Variants in VEPH1 observed in about 807,000 individuals in gnomAD.
The protein encoded by VEPH1 is ventricular zone expressed PH domain containing 1, also known as ventricular zone-expressed PH domain-containing protein homolog 1.
Under a neutral mutation model 85.2 loss-of-function variants are expected in VEPH1, and 80 were observed. That is an observed-to-expected ratio of 0.94 (90% CI 0.78 to 1.13). VEPH1 has a LOEUF of 1.13. Among genes scored for constraint, VEPH1 ranks in the 50% most tolerant of loss-of-function variants. The pLI, the probability that VEPH1 is intolerant of heterozygous loss-of-function variation, is 0.00. For synonymous variants in VEPH1, 297 were observed against 348.0 expected (o/e 0.85, Z 1.63); for missense variants, 955 against 980.5 (o/e 0.97, Z 0.35).
chr3:157,351,469 C>A, intron 9 of VEPH1, among the ~76,000 whole-genome samples: 1 of 152,096 alleles, frequency 6.6e-6, no homozygotes. Flanking sequence ...GCTGGGATTA[C>A]AGGCGTGAGC....
rs529510734 is a variant in VEPH1 at position 157,394,051 on chromosome 3, G to C, written c.907-12675C>G. On this transcript the variant is annotated intron_variant, in intron 6 of 13. Coordinates refer to ENST00000362010, the MANE Select transcript of VEPH1 (RefSeq NM_001167912.2). ...CCTTTCTGTTAGATTCAGCTGATCT[G>C]TCTGAGTGATGGGTTAAGTTTCTCC... Among the ~76,000 whole-genome samples, 5 of 152,336 alleles carry C rather than the reference G, an allele frequency of 3.3e-5. No individual in the cohort carries two copies. In the South Asian group the frequency reaches 1.0e-3, roughly 32 times the overall value.
At chr3:157,272,233 C>CTTT (rs1383414458) in intron 12 of VEPH1, among the ~76,000 whole-genome samples, 2 of 139,902 alleles carry the variant, frequency 1.4e-5, no homozygotes, top group Non-Finnish European at 3.2e-5. Flanking sequence ...GTGTTTGTCT[C>CTTT]TTTTCTTCTT....
intron 2 of VEPH1, among the ~76,000 whole-genome samples, chr3:157,492,899 G>A (rs1739343509): frequency 6.6e-6 from 1 of 152,172 alleles, no homozygotes; most frequent in African/African-American, 2.4e-5. Context: ...GATCAAGGCA[G>A]CTACAATGAT....
chr3:157,295,797 A>G (rs1355440143), intron 11 of VEPH1, among the ~76,000 whole-genome samples: 1 of 152,008 alleles, frequency 6.6e-6, no homozygotes, highest in Non-Finnish European at 1.5e-5. Context: ...TCTACTAAAT[A>G]TTTAAAAATT....
chr3:157,424,175 C>CAGGTTT (rs1373635641), intron 5 of VEPH1, among the ~76,000 whole-genome samples: 23 of 152,182 alleles, frequency 1.5e-4, no homozygotes, highest in African/African-American at 5.3e-4. Context: ...CTCACGAGAT[C>CAGGTTT]TGATGGTTTT....
At position 157,344,263 on chromosome 3, in the gene VEPH1, G is replaced by T. The variant is rs562234990; in HGVS notation, c.1735+19101C>A. Among the ~76,000 whole-genome samples, 533 of 152,264 alleles carry T rather than the reference G, an allele frequency of 3.5e-3. 4 individuals carry two copies. Among genetic ancestry groups the T allele is most frequent in the African/African-American group, 0.012 (493 of 41,530 alleles). On this transcript the variant is annotated intron_variant, in intron 9 of 13. Transcript: ENST00000362010. Reference sequence around the variant, plus strand: ...GTCCCTGTTTGCAGATGACATGATTGTATATTTAGAAAACCCCATCATCTC... The same window carrying T: ...GTCCCTGTTTGCAGATGACATGATTTTATATTTAGAAAACCCCATCATCTC...
At chr3:157,328,332 GA>G (rs149194274) in intron 9 of VEPH1, among the ~76,000 whole-genome samples, 10 of 149,918 alleles carry the variant, frequency 6.7e-5, no homozygotes, top group South Asian at 2.1e-4. Context: ...TATGGAAAAA[GA>G]AAAAAAAAGG....
intron 3 of VEPH1, among the ~76,000 whole-genome samples, chr3:157,464,013 C>T (rs1287477437): frequency 2.0e-5 from 3 of 152,138 alleles, no homozygotes; most frequent in African/African-American, 7.2e-5. Flanking sequence ...GACAAACATG[C>T]CAAAATAATG....
At chr3:157,263,029 G>A (rs1005421894) in intron 13 of VEPH1, among the ~76,000 whole-genome samples, 1 of 152,192 alleles carries the variant, frequency 6.6e-6, no homozygotes, top group Non-Finnish European at 1.5e-5. Flanking sequence ...CTATTGCCTA[G>A]CTAGTTTGTG....
rs775411062 is a variant in VEPH1 at position 157,364,536 on chromosome 3, T to C, written c.1128-24A>G. 3.7e-6 allele frequency: 6 copies of C among 1,601,690 alleles called. No homozygotes were observed. The Admixed American group carries it at 1.0e-4, about 27-fold the overall frequency. On this transcript the variant is annotated intron_variant, in intron 7 of 13. Coordinates refer to ENST00000362010, the MANE Select transcript of VEPH1 (RefSeq NM_001167912.2). ...TCCTAAAGGAATATAAATCATTGCA[T>C]TAGATGCAGGTCATATATACTCTTC...
At chr3:157,499,310 A>G (rs1253242820) in intron 1 of VEPH1, 9 of 150,042 alleles carry the variant, frequency 6.0e-5, no homozygotes, top group African/African-American at 2.2e-4. Flanking sequence ...GTAGGGAGAA[A>G]CAGAAACCAC....
chr3:157,356,310 A>G (rs922232707), intron 9 of VEPH1, among the ~76,000 whole-genome samples: 2 of 152,198 alleles, frequency 1.3e-5, no homozygotes, highest in Non-Finnish European at 2.9e-5. Flanking sequence ...ATGTAGACAT[A>G]GGAATTAGCT....
At chr3:157,456,564 G>C (rs1735400774) in intron 4 of VEPH1, among the ~76,000 whole-genome samples, 1 of 152,072 alleles carries the variant, frequency 6.6e-6, no homozygotes. Context: ...TATAAAGAAG[G>C]GGTCCAGTTT....
Position 157,419,351 on chromosome 3 carries a change from A to C in VEPH1, c.697-5261T>G, listed in dbSNP as rs553356022. ...TGGGATCTAATTAAAGAGCTTCTGC[A>C]CAGCAAAAGAAACTATCATCAGAGT... On this transcript the variant is annotated intron_variant, in intron 5 of 13. Transcript: ENST00000362010. 2.2e-4 allele frequency among the ~76,000 whole-genome samples: 33 copies of C among 152,356 alleles called. 1 individual carries two copies. In the South Asian group the frequency reaches 6.6e-3, roughly 31 times the overall value.
intron 6 of VEPH1, chr3:157,413,427 C>A: frequency 2.0e-6 from 2 of 977,524 alleles, no homozygotes; most frequent in Non-Finnish European, 2.4e-6. Flanking sequence ...AAAGGGTAGT[C>A]TATGAAATCT....
intron 1 of VEPH1, among the ~76,000 whole-genome samples, chr3:157,500,702 C>G (rs1311548400): frequency 6.6e-6 from 1 of 152,080 alleles, no homozygotes; most frequent in Non-Finnish European, 1.5e-5. Context: ...TTCATTATTA[C>G]TGATTTTTAA....
At chr3:157,267,846 T>C (rs1265970327) in intron 12 of VEPH1, among the ~76,000 whole-genome samples, 3 of 152,036 alleles carry the variant, frequency 2.0e-5, no homozygotes, top group Non-Finnish European at 4.4e-5. Flanking sequence ...ATGATGAATA[T>C]AGAATAGGGA....
At position 157,401,775 on chromosome 3, in the gene VEPH1, A is replaced by C. The variant is rs539483229; in HGVS notation, c.906+12106T>G. ...TTCGCAGCAACTGTGATTCCTTGTGAACTGCCTTAACTGCTTTCTAGAAGT... is the reference window on the plus strand; with the variant it reads ...TTCGCAGCAACTGTGATTCCTTGTGCACTGCCTTAACTGCTTTCTAGAAGT... On this transcript the variant is annotated intron_variant, in intron 6 of 13. Coordinates refer to ENST00000362010, the MANE Select transcript of VEPH1 (RefSeq NM_001167912.2). Among the ~76,000 whole-genome samples, 44 of 151,116 alleles carry C rather than the reference A, an allele frequency of 2.9e-4. No individual in the cohort carries two copies. In the South Asian group the frequency reaches 5.2e-3, roughly 18 times the overall value.
rs750633744 is a variant in VEPH1, at chr3:157,437,909, C to A, written c.530-9421G>T. ...GGCTGGGCTGCCCGGAGCTGGCTGC[C>A]GGCAGGTAAGGAGGCAAGCGGGGCC... On this transcript the variant is annotated intron_variant, in intron 4 of 13. Coordinates refer to ENST00000362010, the MANE Select transcript of VEPH1 (RefSeq NM_001167912.2). 1.6e-5 allele frequency: 25 copies of A among 1,524,904 alleles called. No individual in the cohort carries two copies. Among genetic ancestry groups the A allele is most frequent in the Non-Finnish European group, 2.1e-5 (24 of 1,144,044 alleles). 94.5% of individuals were successfully genotyped at this position (1,524,904 alleles called of 1,614,324 possible). A position where few individuals can be genotyped will look rare whatever the true frequency, so the allele number is the denominator to read the frequency against.
Sources: gnomAD v4.1 joint callset for allele counts (sites outside exome capture counted in the v4.1 genomes callset) on GRCh38, gnomAD v4.1.1 for gene constraint, MANE v1.5 for transcripts, NCBI Gene and HGNC (gene_info 2026-07-23, HGNC 2026-07-21) for gene names.